Variants in CNR1 observed in about 807,000 individuals in gnomAD.
The protein encoded by CNR1 is cannabinoid receptor 1 (brain).
Under a neutral mutation model 23.0 loss-of-function variants are expected in CNR1, and 10 were observed. The ratio of observed to expected loss-of-function variants is 0.43; its 90% CI spans 0.27 to 0.74. CNR1 has a LOEUF of 0.74. CNR1 is among the 30% of genes least tolerant of loss of function. CNR1 has a pLI of 0.19. For missense variants in CNR1, 422 were observed against 618.8 expected (o/e 0.68, Z 3.37); for synonymous variants, 271 against 255.2 (o/e 1.06, Z -0.59).
chr6:88,159,931 T>C (rs368429773), intron 1 of CNR1, among the ~76,000 whole-genome samples: 3 of 151,994 alleles, frequency 2.0e-5, no homozygotes, highest in East Asian at 1.9e-4. Context: ...TTTTTAAATA[T>C]AGCTGAGTTA....
intron 1 of CNR1, among the ~76,000 whole-genome samples, chr6:88,152,430 C>A (rs1777579409): frequency 6.6e-6 from 1 of 152,044 alleles, no homozygotes; most frequent in Admixed American, 6.6e-5. Context: ...TCCAGTAATG[C>A]AAAAAACATG....
In CNR1 at chr6:88,144,057, G is replaced by A. The variant is rs777882694; in HGVS notation, c.1218C>T (p.His406=). The A allele has an allele frequency of 2.0e-5, 33 of 1,614,004 alleles. No homozygotes were observed. Among genetic ancestry groups the A allele is most frequent in the East Asian group, 4.5e-5 (2 of 44,890 alleles). ...AAGAGGGAAACATGCTCCGGAAAGC[G>A]TGTCGCAGGTCCTTACTCCTCAGAG... is the stretch of plus-strand genomic sequence containing the variant. ...IYALRSKDLR[H]AFRSMFPSCE... Residue 406 remains histidine, a synonymous_variant, in exon 2 of 2, where the codon CAC becomes CAT. Coordinates refer to ENST00000369501, the MANE Select transcript of CNR1 (RefSeq NM_016083.6). The surrounding 1 kb of genome is among the most constrained non-coding windows in gnomAD (Gnocchi z 7.8).
In CNR1 at chr6:88,145,267, G is replaced by A. The variant is rs773682661; in HGVS notation, c.8C>T (p.Ser3Leu). The change falls in exon 2 of 2, where the codon TCG becomes TTG. Residue 3 changes from serine (S) to leucine (L), a missense_variant. Physicochemically the swap from Ser to Leu is moderately radical, Grantham distance 145 (BLOSUM62 -2). This residue lies in a region of CNR1 where 120 missense variants were observed against 117.6 expected (regional missense o/e 1.02). Coordinates refer to ENST00000369501, the MANE Select transcript of CNR1 (RefSeq NM_016083.6). MK[S>L]ILDGLADTTF... ...GGTATCTGCAAGGCCATCTAGGATC[G>A]ACTTCATAACCTCAGTCTTTGATTA... The A allele has an allele frequency of 1.1e-5, 18 of 1,607,796 alleles. No homozygotes were observed. Among genetic ancestry groups the A allele is most frequent in the Middle Eastern group, 1.7e-4 (1 of 6,048 alleles).
Position 88,144,909 on chromosome 6 carries a change from C to G in CNR1, c.366G>C (p.Leu122=), listed in dbSNP as rs776165681. 4.3e-6 allele frequency: 7 copies of G among 1,614,080 alleles called. No homozygotes were observed. The Admixed American group carries it at 6.7e-5, about 15-fold the overall frequency. ...CCGTGAAGGTGCCCAGCGTGAGGGA[C>G]AGGACTGCAATGGCCAGCTGCTGGC... is the stretch of plus-strand genomic sequence containing the variant. The part of the protein sequence containing the change: ...NPSQQLAIAV[L]SLTLGTFTVL... Residue 122 remains leucine (L), a synonymous_variant, in exon 2 of 2, where the codon CTG becomes CTC. Transcript: ENST00000369501. The surrounding 1 kb of genome is among the most constrained non-coding windows in gnomAD (Gnocchi z 7.8).
chr6:88,151,546 G>A (rs1023410545), intron 1 of CNR1, among the ~76,000 whole-genome samples: 1 of 152,052 alleles, frequency 6.6e-6, no homozygotes, highest in African/African-American at 2.4e-5. Flanking sequence ...GAAATTAGAT[G>A]AAATTAAATG....
At position 88,144,806 on chromosome 6, in the gene CNR1, C is replaced by A. The variant is rs368199704; in HGVS notation, c.469G>T (p.Gly157Cys). ...AGGAGGTCTGCCACCGCCAGGCTGCCGATGAAGTGGTAGGAAGGCCTGCAG... is the reference window on the plus strand; with the variant it reads ...AGGAGGTCTGCCACCGCCAGGCTGCAGATGAAGTGGTAGGAAGGCCTGCAG... ...LRCRPSYHFI[G>C]SLAVADLLGS... The change falls in exon 2 of 2, where the codon GGC (glycine) becomes TGC (cysteine). Residue 157 changes from glycine (G) to cysteine (C), a missense_variant. Physicochemically the swap from Gly to Cys is radical, Grantham distance 159. Around this residue, in one of 4 missense-constraint regions of CNR1, gnomAD observed 211 missense variants for 357.3 expected, o/e 0.59. Transcript: ENST00000369501. The surrounding 1 kb of genome is among the most constrained non-coding windows in gnomAD (Gnocchi z 7.8). 3.7e-6 allele frequency: 6 copies of A among 1,613,982 alleles called. No homozygotes were observed. The highest frequency in any genetic ancestry group is 1.7e-5 in the Admixed American group (1 of 59,994).
intron 1 of CNR1, among the ~76,000 whole-genome samples, chr6:88,147,077 A>T (rs1777233912): frequency 6.6e-6 from 1 of 152,122 alleles, no homozygotes; most frequent in African/African-American, 2.4e-5. Context: ...CATATCACGA[A>T]GTCAAGAGAC....
intron 1 of CNR1, among the ~76,000 whole-genome samples, chr6:88,155,413 A>G (rs1166701897): frequency 6.6e-6 from 1 of 152,214 alleles, no homozygotes; most frequent in Non-Finnish European, 1.5e-5. Context: ...TGCTATTACA[A>G]TCTCTATTCC....
chr6:88,163,472 A>G (rs989421302), intron 1 of CNR1, among the ~76,000 whole-genome samples: 3 of 152,228 alleles, frequency 2.0e-5, no homozygotes. Flanking sequence ...TTTGATTTCT[A>G]ATTCCAAACA....
rs1279485411 is a variant in CNR1 at position 88,142,741 on chromosome 6, C to T, written c.*1115G>A. On this transcript the variant is annotated 3_prime_UTR_variant, in exon 2 of 2. Coordinates refer to ENST00000369501, the MANE Select transcript of CNR1 (RefSeq NM_016083.6). The stretch of plus-strand genomic sequence containing the variant: ...TTCTCACTTTATGACATTACTGTAA[C>T]AGTTACAGGACAGAAACACACATAC... 1 of 152,568 alleles carries T rather than the reference C, an allele frequency of 6.6e-6. No individual in the cohort carries two copies. Among genetic ancestry groups the T allele is most frequent in the Non-Finnish European group, 1.5e-5 (1 of 68,030 alleles). 9.5% of individuals were successfully genotyped at this position (152,568 alleles called of 1,614,324 possible).
In CNR1 at chr6:88,143,599, C is replaced by G. The variant is rs1442758263; in HGVS notation, c.*257G>C. 1.0e-5 allele frequency: 4 copies of G among 385,224 alleles called. No individual in the cohort carries two copies. Among genetic ancestry groups the G allele is most frequent in the Admixed American group, 4.3e-5 (1 of 23,420 alleles). 23.9% of individuals were successfully genotyped at this position (385,224 alleles called of 1,614,324 possible). A position where few individuals can be genotyped will look rare whatever the true frequency, so the allele number is the denominator to read the frequency against. ...CAATTGTGTAGCCAAAGGTTTCCCT[C>G]CTATTTCATTGAGACTTTGAAGGAT... is the stretch of plus-strand genomic sequence containing the variant. On this transcript the variant is annotated 3_prime_UTR_variant, in exon 2 of 2. Coordinates refer to ENST00000369501, the MANE Select transcript of CNR1 (RefSeq NM_016083.6).
chr6:88,141,795 G>T lies in CNR1; in HGVS notation c.*2061C>A, dbSNP rs1776836917. 1 of 152,344 alleles carries T rather than the reference G, an allele frequency of 6.6e-6. No homozygotes were observed. Among genetic ancestry groups the T allele is most frequent in the South Asian group, 2.1e-4 (1 of 4,826 alleles). 9.4% of individuals were successfully genotyped at this position (152,344 alleles called of 1,614,324 possible). A position where few individuals can be genotyped will look rare whatever the true frequency, so the allele number is the denominator to read the frequency against. ...CTCATAAGCCACATCCTGCCTTAGA[G>T]CGTGAACCGTAAGAAGGGGAACTGC... is the stretch of plus-strand genomic sequence containing the variant. On this transcript the variant is annotated 3_prime_UTR_variant, in exon 2 of 2. Coordinates refer to ENST00000369501, the MANE Select transcript of CNR1 (RefSeq NM_016083.6).
intron 1 of CNR1, among the ~76,000 whole-genome samples, chr6:88,149,014 TGTCATAGAATAAAGCAGATGGGA>T (rs1777370176): frequency 1.3e-5 from 2 of 152,118 alleles, no homozygotes; most frequent in African/African-American, 4.8e-5. Context: ...TTCCTGCAAC[TGTCATAGAATAAAGCAGATGGGA>T]GCCATCACCT....
In CNR1 at chr6:88,143,977, T is replaced by C. The variant is rs1370281559; in HGVS notation, c.1298A>G (p.His433Arg). The change falls in exon 2 of 2, where the codon CAC (histidine) becomes CGC (arginine). Residue 433 changes from histidine to arginine, a missense_variant. His to Arg is a conservative substitution (Grantham distance 29). Coordinates refer to ENST00000369501, the MANE Select transcript of CNR1 (RefSeq NM_016083.6). ...DNSMGDSDCLHKHANNAASVH... is the reference protein window; with the variant it reads ...DNSMGDSDCLRKHANNAASVH... ...ACTGGCTGCATTGTTTGCGTGTTTG[T>C]GCAGGCAGTCCGAGTCCCCCATGCT... 2 of 1,613,922 alleles carry C rather than the reference T, an allele frequency of 1.2e-6. No homozygotes were observed. Among genetic ancestry groups the C allele is most frequent in the African/African-American group, 2.7e-5 (2 of 74,878 alleles).
intron 1 of CNR1, among the ~76,000 whole-genome samples, chr6:88,163,810 T>C (rs1178573848): frequency 2.0e-5 from 3 of 152,240 alleles, no homozygotes; most frequent in Non-Finnish European, 4.4e-5. Context: ...ATTTTACCAT[T>C]TTGAAATGCC....
intron 1 of CNR1, among the ~76,000 whole-genome samples, chr6:88,158,570 C>T (rs889470005): frequency 6.6e-6 from 1 of 152,128 alleles, no homozygotes; most frequent in African/African-American, 2.4e-5. Context: ...TCTCAGGATC[C>T]AGATCAGATC....
chr6:88,153,124 T>TA (rs1256210258), intron 1 of CNR1, among the ~76,000 whole-genome samples: 7 of 152,234 alleles, frequency 4.6e-5, no homozygotes, highest in African/African-American at 1.7e-4. Flanking sequence ...CCATTATTTT[T>TA]AAAAAATCAC....
upstream of CNR1, among the ~76,000 whole-genome samples, chr6:88,166,926 C>T (rs867364268): frequency 3.3e-5 from 5 of 151,872 alleles, no homozygotes; most frequent in Non-Finnish European, 7.4e-5. Context: ...CCGGGCTGAG[C>T]TTTGGGACCG....
rs985021632 is a variant in CNR1 at position 88,140,991 on chromosome 6, G to T, written c.*2865C>A. 3 of 152,272 alleles carry T rather than the reference G, an allele frequency of 2.0e-5. No homozygotes were observed. Among genetic ancestry groups the T allele is most frequent in the African/African-American group, 7.2e-5 (3 of 41,428 alleles). 9.4% of individuals were successfully genotyped at this position (152,272 alleles called of 1,614,324 possible). ...ACTCTGATAAAAAAAAAATGAGCAG[G>T]TTGGGAATTTGGCCCTTTCTGAACA... On this transcript the variant is annotated 3_prime_UTR_variant, in exon 2 of 2. Transcript: ENST00000369501.
Sources: allele counts gnomAD v4.1 joint callset (sites outside exome capture counted in the v4.1 genomes callset), GRCh38; gene constraint gnomAD v4.1.1; regional missense constraint gnomAD v4.1.1; non-coding constraint Gnocchi (gnomAD v3.1); transcripts MANE v1.5; gene names NCBI Gene and HGNC (gene_info 2026-07-23, HGNC 2026-07-21).